LRBA: variants seen among roughly 807,000 people sequenced by gnomAD.
LRBA encodes LPS responsive beige-like anchor protein, also known as lipopolysaccharide-responsive and beige-like anchor protein.
LRBA carries 176 observed loss-of-function variants against 330.0 expected under a neutral mutation model. The ratio of observed to expected loss-of-function variants is 0.53; its 90% CI spans 0.47 to 0.60. The LOEUF is 0.60. Among genes scored for constraint, LRBA ranks in the 20% least tolerant of loss-of-function variants. LRBA has a pLI of 0.00. For missense variants in LRBA, 3,259 were observed against 3,444.8 expected, an observed-to-expected ratio of 0.95 and a Z score of 1.35; for synonymous variants, 1,230 against 1,193.0, an observed-to-expected ratio of 1.03 and a Z score of -0.64.
chr4:150,597,116 C>T, intron 38 of LRBA: 2 of 1,387,264 alleles, frequency 1.4e-6, no homozygotes, highest in Non-Finnish European at 2.0e-6. Context: ...AAAATGCACA[C>T]TAAAACATAG....
intron 40 of LRBA, among the ~76,000 whole-genome samples, chr4:150,494,092 G>C (rs1467274148): frequency 2.0e-5 from 3 of 150,852 alleles, no homozygotes; most frequent in Non-Finnish European, 3.0e-5. Context: ...TCTAAAAAAA[G>C]AAAAAAAAGA....
chr4:150,359,190 T>C (rs896753025), intron 47 of LRBA, among the ~76,000 whole-genome samples: 2 of 152,214 alleles, frequency 1.3e-5, no homozygotes, highest in Non-Finnish European at 2.9e-5. Context: ...ACTAAAAGTA[T>C]TATACATTCT....
intron 37 of LRBA, among the ~76,000 whole-genome samples, chr4:150,600,081 A>G (rs1773963294): frequency 1.3e-5 from 2 of 152,076 alleles, no homozygotes; most frequent in Admixed American, 6.6e-5. Context: ...TTAACTAATC[A>G]TGATCTAGCA....
chr4:150,805,147 C>T (rs1158041429), intron 33 of LRBA, among the ~76,000 whole-genome samples: 2 of 142,954 alleles, frequency 1.4e-5, no homozygotes, highest in Non-Finnish European at 3.0e-5. Flanking sequence ...GCACTCACTA[C>T]ATGGCAATGC....
chr4:150,322,894 C>G lies in LRBA; in HGVS notation c.7453-1526G>C, dbSNP rs575122372. ...GCAGCAAAACCAGACAAATAGGCAG[C>G]CTTCGTGTGCCTGCTAATTACTACA... On this transcript the variant is annotated intron_variant, in intron 49 of 56. Transcript: ENST00000651943. 1.8e-3 allele frequency among the ~76,000 whole-genome samples: 271 copies of G among 152,136 alleles called. 3 individuals carry two copies. Among genetic ancestry groups the G allele is most frequent in the African/African-American group, 6.2e-3 (259 of 41,500 alleles).
intron 30 of LRBA, among the ~76,000 whole-genome samples, chr4:150,819,199 T>G (rs574139104): frequency 2.6e-5 from 4 of 151,720 alleles, no homozygotes; most frequent in Non-Finnish European, 5.9e-5. Flanking sequence ...GTTTTTTTTT[T>G]TTAACATGCA....
chr4:150,766,759 G>A (rs766343464), intron 34 of LRBA, among the ~76,000 whole-genome samples: 204 of 152,182 alleles, frequency 1.3e-3, no homozygotes, highest in Admixed American at 2.6e-3. Flanking sequence ...TTCTCCCAGA[G>A]GTACTGATGA....
intron 40 of LRBA, among the ~76,000 whole-genome samples, chr4:150,574,518 A>C (rs1770285218): frequency 6.6e-6 from 1 of 152,058 alleles, no homozygotes; most frequent in Non-Finnish European, 1.5e-5. Flanking sequence ...TGACTTGATC[A>C]AAGTCACCCA....
intron 44 of LRBA, among the ~76,000 whole-genome samples, chr4:150,464,739 C>T (rs1188211690): frequency 6.6e-6 from 1 of 151,984 alleles, no homozygotes; most frequent in Admixed American, 6.6e-5. Context: ...GCTCAAGTGT[C>T]CTCCATGTGT....
At chr4:150,758,618 G>C (rs189366841) in intron 35 of LRBA, among the ~76,000 whole-genome samples, 1 of 149,232 alleles carries the variant, frequency 6.7e-6, no homozygotes, top group Non-Finnish European at 1.5e-5. Context: ...CTACTGCCCA[G>C]GATGGAGTGA....
In LRBA at chr4:150,290,659, C is replaced by T. The variant is rs1728165379; in HGVS notation, c.8018-4625G>A. On this transcript the variant is annotated intron_variant, in intron 53 of 56. Transcript: ENST00000651943. ...CTTCAAAGGAAAGGGTGTCTTTGTC[C>T]AGAGAGCACGTTTATGACTACTGAT... is the stretch of plus-strand genomic sequence containing the variant. Among the ~76,000 whole-genome samples, 7 of 152,224 alleles carry T rather than the reference C, an allele frequency of 4.6e-5. No individual in the cohort carries two copies. In the South Asian group the frequency reaches 1.2e-3, roughly 27 times the overall value.
intron 2 of LRBA, among the ~76,000 whole-genome samples, chr4:150,970,171 T>C (rs941706852): frequency 2.4e-4 from 37 of 152,112 alleles, no homozygotes; most frequent in African/African-American, 8.9e-4. Context: ...GGTGTGTGCA[T>C]TGTTTTTTTA....
intron 42 of LRBA, among the ~76,000 whole-genome samples, chr4:150,474,500 T>C (rs542290425): frequency 1.3e-4 from 20 of 152,260 alleles, no homozygotes; most frequent in East Asian, 3.9e-4. Context: ...TCTAGGTCCA[T>C]TGCATTTCAA....
At chr4:150,586,627 A>G (rs1263311243) in intron 40 of LRBA, among the ~76,000 whole-genome samples, 6 of 152,166 alleles carry the variant, frequency 3.9e-5, no homozygotes, top group Non-Finnish European at 5.9e-5. Context: ...ACAAGCAACA[A>G]GAAAAAAATA....
intron 30 of LRBA, among the ~76,000 whole-genome samples, chr4:150,822,979 T>C (rs1041852208): frequency 2.0e-5 from 3 of 152,194 alleles, no homozygotes; most frequent in African/African-American, 4.8e-5. Flanking sequence ...GTTCTATTTT[T>C]AGTTGCCTCG....
In LRBA at chr4:150,922,394, G is replaced by GTATATATATATATATATATA. The variant is rs56340108; in HGVS notation, c.550-1121_550-1102dup. ...TCAACGAGTGGATAAAGAAACTGTG[G>GTATATATATATATATATATA]TATATATATATATATATATATATGA... is the stretch of plus-strand genomic sequence containing the variant. On this transcript the variant is annotated intron_variant, in intron 4 of 56. Coordinates refer to ENST00000651943, the MANE Select transcript of LRBA (RefSeq NM_001364905.1). Among the ~76,000 whole-genome samples the GTATATATATATATATATATA allele has an allele frequency of 1.1e-4, 16 of 139,728 alleles. No individual in the cohort carries two copies. In the East Asian group the frequency reaches 2.1e-3, roughly 19 times the overall value. 91.7% of individuals were successfully genotyped at this position (139,728 alleles called of 152,430 possible).
At chr4:150,987,122 A>C (rs1184143025) in intron 2 of LRBA, among the ~76,000 whole-genome samples, 1 of 152,226 alleles carries the variant, frequency 6.6e-6, no homozygotes, top group East Asian at 1.9e-4. Context: ...TTCCTCATCT[A>C]TAACCAATTA....
chr4:150,995,775 T>C (rs1742565339), intron 2 of LRBA, among the ~76,000 whole-genome samples: 1 of 152,206 alleles, frequency 6.6e-6, no homozygotes, highest in African/African-American at 2.4e-5. Flanking sequence ...GGTCACAAAA[T>C]ACCTCAATAA....
At position 150,914,232 on chromosome 4, in the gene LRBA, T is replaced by C. The variant is rs777083843; in HGVS notation, c.1124A>G (p.Gln375Arg). The C allele has an allele frequency of 1.8e-5, 29 of 1,610,628 alleles. No homozygotes were observed. The highest frequency in any genetic ancestry group is 2.3e-5 in the Non-Finnish European group (27 of 1,178,080). Residue 375 changes from glutamine (Q) to arginine (R), a missense_variant, in exon 9 of 57, where the codon CAG becomes CGG. Transcript: ENST00000651943. ...YLFSEALNAA[Q>R]IFAIYQLGLG... ...GCCCAACTGATAAATAGCAAATATC[T>C]GAGCTGCATTTAGAGCTTCACTGAA...
Sources: allele counts gnomAD v4.1 joint callset (sites outside exome capture counted in the v4.1 genomes callset), GRCh38; gene constraint gnomAD v4.1.1; transcripts MANE v1.5; gene names NCBI Gene and HGNC (gene_info 2026-07-23, HGNC 2026-07-21).